The following RBBP4 variants were observed in gnomAD, a reference collection of about 807,000 sequenced individuals.
RBBP4 encodes the protein histone-binding protein RBBP4.
Under a neutral mutation model 57.2 loss-of-function variants are expected in RBBP4, and 3 were observed. That is an observed-to-expected ratio of 0.05 (90% CI 0.02 to 0.14). RBBP4 has a LOEUF of 0.14. RBBP4 is among the 10% of genes least tolerant of loss of function. The pLI, the probability that RBBP4 is intolerant of heterozygous loss-of-function variation, is 1.00. For synonymous variants in RBBP4, 151 were observed against 171.5 expected (o/e 0.88, Z 0.93); for missense variants, 107 against 520.6 (o/e 0.21, Z 7.73).
chr1:32,653,297 G>GTT (rs1330282003), intron 2 of RBBP4, among the ~76,000 whole-genome samples: 13 of 152,108 alleles, frequency 8.5e-5, no homozygotes, highest in Non-Finnish European at 1.9e-4. Flanking sequence ...TATTAACATA[G>GTT]TTTTAACAAG....
intron 3 of RBBP4, among the ~76,000 whole-genome samples, chr1:32,662,059 T>C (rs1648442669): frequency 6.7e-6 from 1 of 150,310 alleles, no homozygotes; most frequent in Non-Finnish European, 1.5e-5. Flanking sequence ...CTAATTTTTG[T>C]GGTTGTAGTA....
At chr1:32,658,318 G>C (rs1340118859) in intron 3 of RBBP4, among the ~76,000 whole-genome samples, 1 of 151,558 alleles carries the variant, frequency 6.6e-6, no homozygotes, top group Non-Finnish European at 1.5e-5. Context: ...TGGGACTGGT[G>C]GGGAGGGAAT....
At position 32,681,702 on chromosome 1, in the gene RBBP4, G is replaced by T; in HGVS notation, c.*1997G>T. On this transcript the variant is annotated 3_prime_UTR_variant, in exon 12 of 12. Transcript: ENST00000373493. ...CTCTAGAATCTTTTTAAGCAGGTCA[G>T]CCAGTATTTGCAACTTCCACAGGAT... The T allele has an allele frequency of 8.1e-7, 1 of 1,241,356 alleles. No individual in the cohort carries two copies. The highest frequency in any genetic ancestry group is 1.2e-6 in the Non-Finnish European group (1 of 857,364). 76.9% of individuals were successfully genotyped at this position (1,241,356 alleles called of 1,614,324 possible). A position where few individuals can be genotyped will look rare whatever the true frequency, so the allele number is the denominator to read the frequency against.
rs1233567611 is a variant in RBBP4, at chr1:32,684,537, G to T, written c.*4832G>T. On this transcript the variant is annotated 3_prime_UTR_variant, in exon 12 of 12. Coordinates refer to ENST00000373493, the MANE Select transcript of RBBP4 (RefSeq NM_005610.3). ...TGATAGGTTATGAAACAGGTTCAAA[G>T]AAGTTGTGTCTTGGAAAAAAAGTGA... The T allele has an allele frequency of 1.8e-6, 2 of 1,140,544 alleles. No homozygotes were observed. The highest frequency in any genetic ancestry group is 1.6e-5 in the African/African-American group (1 of 64,190). 70.7% of individuals were successfully genotyped at this position (1,140,544 alleles called of 1,614,324 possible).
chr1:32,651,256 G>C lies in RBBP4; in HGVS notation c.-51G>C. ...CAGAGCGAGCTCTTGCAGCCTCCCC[G>C]CCCCTCCCGCAACGCTCGACCCCAG... On this transcript the variant is annotated 5_prime_UTR_variant, in exon 1 of 12. Coordinates refer to ENST00000373493, the MANE Select transcript of RBBP4 (RefSeq NM_005610.3). The C allele has an allele frequency of 5.3e-6, 8 of 1,505,602 alleles. No homozygotes were observed. The highest frequency in any genetic ancestry group is 5.3e-6 in the Non-Finnish European group (6 of 1,127,316). The allele number at this position is 1,505,602 out of a possible 1,614,324, so 93.3% of individuals were successfully genotyped here. A position where few individuals can be genotyped will look rare whatever the true frequency, so the allele number is the denominator to read the frequency against.
At position 32,680,583 on chromosome 1, in the gene RBBP4, C is replaced by T. The variant is rs1383571246; in HGVS notation, c.*878C>T. On this transcript the variant is annotated 3_prime_UTR_variant, in exon 12 of 12. Transcript: ENST00000373493. ...CTCCATTTTGGGTGACCTGTTTCACCAGCAGGCCTGTTACTCTCCATGACT... is the reference window on the plus strand; with the variant it reads ...CTCCATTTTGGGTGACCTGTTTCACTAGCAGGCCTGTTACTCTCCATGACT... 2 of 1,496,812 alleles carry T rather than the reference C, an allele frequency of 1.3e-6. No homozygotes were observed. Among genetic ancestry groups the T allele is most frequent in the Middle Eastern group, 1.7e-4 (1 of 5,888 alleles). 92.7% of individuals were successfully genotyped at this position (1,496,812 alleles called of 1,614,324 possible).
intron 11 of RBBP4, among the ~76,000 whole-genome samples, chr1:32,678,005 G>A (rs1649182953): frequency 6.6e-6 from 1 of 152,114 alleles, no homozygotes. Flanking sequence ...TACAAGAACA[G>A]TTTTTCTCTT....
chr1:32,668,549 G>GA (rs754282895), intron 4 of RBBP4, 151 bp downstream of exon 4: 22 of 983,748 alleles, frequency 2.2e-5, no homozygotes, highest in Middle Eastern at 2.5e-4. Context: ...TTGCCTCCAT[G>GA]AAAAAATAAT....
intron 11 of RBBP4, among the ~76,000 whole-genome samples, chr1:32,677,122 A>G (rs1171171152): frequency 6.6e-6 from 1 of 152,168 alleles, no homozygotes; most frequent in African/African-American, 2.4e-5. Flanking sequence ...GCAGAGTGCT[A>G]GGAGTGTCTT....
At chr1:32,651,442 G>A in intron 1 of RBBP4, 120 bp downstream of exon 1, 1 of 1,368,206 alleles carries the variant, frequency 7.3e-7, no homozygotes, top group East Asian at 2.9e-5. Flanking sequence ...GGTACTGAAG[G>A]CGTGAAGAGG....
intron 3 of RBBP4, among the ~76,000 whole-genome samples, chr1:32,666,930 C>T (rs1011157154): frequency 1.3e-5 from 2 of 152,148 alleles, no homozygotes; most frequent in African/African-American, 4.8e-5. Flanking sequence ...GCTGAAGGGA[C>T]ATTGTGAGAA....
chr1:32,652,049 C>T lies in RBBP4; in HGVS notation c.152C>T (p.Pro51Leu). 1 of 1,613,414 alleles carries T rather than the reference C, an allele frequency of 6.2e-7. No homozygotes were observed. Among genetic ancestry groups the T allele is most frequent in the Non-Finnish European group, 8.5e-7 (1 of 1,179,614 alleles). Residue 51 changes from proline to leucine, a missense_variant, in exon 2 of 12, where the codon CCA becomes CTA. Transcript: ENST00000373493. ...CCCAGCCTAACTGCCCAGTGGCTTC[C>T]AGATGTAACCAGGTGACATGACTCT... The part of the protein sequence containing the change: ...EWPSLTAQWL[P>L]DVTRPEGKDF...
At chr1:32,678,285 G>C (rs1395160716) in intron 11 of RBBP4, among the ~76,000 whole-genome samples, 1 of 152,102 alleles carries the variant, frequency 6.6e-6, no homozygotes, top group Non-Finnish European at 1.5e-5. Context: ...GGAGTGCAGT[G>C]GTGTGATCTT....
At position 32,674,223 on chromosome 1, in the gene RBBP4, G is replaced by C. The variant is rs376259407; in HGVS notation, c.1212+1322G>C. Among the ~76,000 whole-genome samples the C allele has an allele frequency of 2.0e-4, 31 of 152,260 alleles. 1 individual carries two copies. In the East Asian group the frequency reaches 4.2e-3, roughly 21 times the overall value. ...TGGCTAAGCTGATAAATTTTATGTT[G>C]TATGGAGTTTGCGACAATTTGGAGG... On this transcript the variant is annotated intron_variant, in intron 11 of 11. Transcript: ENST00000373493.
intron 3 of RBBP4, among the ~76,000 whole-genome samples, chr1:32,666,511 G>C (rs555211075): frequency 6.6e-6 from 1 of 151,858 alleles, no homozygotes; most frequent in Non-Finnish European, 1.5e-5. Context: ...CGCCTGCCAC[G>C]ACGCCCAGCT....
At position 32,679,679 on chromosome 1, in the gene RBBP4, G is replaced by A. The variant is rs761532773; in HGVS notation, c.1252G>A (p.Val418Met). The A allele has an allele frequency of 2.4e-5, 38 of 1,606,608 alleles. No homozygotes were observed. The highest frequency in any genetic ancestry group is 4.0e-5 in the African/African-American group (3 of 74,344). Residue 418 changes from valine to methionine, a missense_variant, in exon 12 of 12, where the codon GTG becomes ATG. Physicochemically the swap from Val to Met is conservative, Grantham distance 21. Around this residue, in one of 3 missense-constraint regions of RBBP4, gnomAD observed 14 missense variants for 52.0 expected, o/e 0.27. Coordinates refer to ENST00000373493, the MANE Select transcript of RBBP4 (RefSeq NM_005610.3). ...IYNDEDPEGS[V>M]DPEGQGS ...TAATGATGAAGACCCTGAAGGAAGCGTGGATCCAGAAGGACAAGGGTCCTA... is the reference window on the plus strand; with the variant it reads ...TAATGATGAAGACCCTGAAGGAAGCATGGATCCAGAAGGACAAGGGTCCTA...
At position 32,681,593 on chromosome 1, in the gene RBBP4, C is replaced by T; in HGVS notation, c.*1888C>T. 1.7e-6 allele frequency: 1 copy of T among 582,514 alleles called. No individual in the cohort carries two copies. The highest frequency in any genetic ancestry group is 2.9e-5 in the East Asian group (1 of 34,722). The allele number at this position is 582,514 out of a possible 1,614,324, so 36.1% of individuals were successfully genotyped here. A position where few individuals can be genotyped will look rare whatever the true frequency, so the allele number is the denominator to read the frequency against. The stretch of plus-strand genomic sequence containing the variant: ...GCTGGAAGACAGGAGGCTCATCTTT[C>T]CTTTCCTTGGTGCATTGAGATCAGT... On this transcript the variant is annotated 3_prime_UTR_variant, in exon 12 of 12. Transcript: ENST00000373493.
intron 11 of RBBP4, among the ~76,000 whole-genome samples, 163 bp downstream of exon 11, chr1:32,673,064 G>A (rs1248727876): frequency 6.6e-6 from 1 of 152,110 alleles, no homozygotes; most frequent in Non-Finnish European, 1.5e-5. Flanking sequence ...GCCTGCTCTT[G>A]ACTGTATTTG....
intron 2 of RBBP4, among the ~76,000 whole-genome samples, chr1:32,653,700 C>CCAGG (rs1648010380): frequency 8.3e-6 from 1 of 120,138 alleles, no homozygotes; most frequent in Non-Finnish European, 1.6e-5. Context: ...CCTCTCTTGC[C>CCAGG]CAGGCTGGAG....
Sources: gnomAD v4.1 joint callset for allele counts (sites outside exome capture counted in the v4.1 genomes callset) on GRCh38, gnomAD v4.1.1 for gene constraint, gnomAD v4.1.1 regional missense constraint, MANE v1.5 for transcripts, NCBI Gene and HGNC (gene_info 2026-07-23, HGNC 2026-07-21) for gene names.